The following TSPAN15 variants were observed in gnomAD, a reference collection of about 807,000 sequenced individuals.
The protein encoded by TSPAN15 is tetraspanin-15.
TSPAN15 carries 20 observed loss-of-function variants against 34.5 expected under a neutral mutation model. The observed-to-expected ratio is 0.58, with a 90% CI of 0.41 to 0.84. TSPAN15 has a LOEUF of 0.84. Among genes scored for constraint, TSPAN15 ranks in the 40% least tolerant of loss-of-function variants. TSPAN15 has a pLI of 0.00. For synonymous variants in TSPAN15, 155 were observed against 153.9 expected, an observed-to-expected ratio of 1.01 and a Z score of -0.05; for missense variants, 313 against 386.1, an observed-to-expected ratio of 0.81 and a Z score of 1.59.
At position 69,483,719 on chromosome 10, in the gene TSPAN15, G is replaced by T. The variant is rs1265422856; in HGVS notation, c.125G>T (p.Gly42Val). The change falls in exon 2 of 8, where the codon GGC becomes GTC. Residue 42 changes from glycine (G) to valine (V), a missense_variant. Coordinates refer to ENST00000373290, the MANE Select transcript of TSPAN15 (RefSeq NM_012339.5). ...ATTGGGGCCCTGGTCCTGTCTGTGGGCATCTATGCAGAGGTTGAGCGGCAG... is the reference window on the plus strand; with the variant it reads ...ATTGGGGCCCTGGTCCTGTCTGTGGTCATCTATGCAGAGGTTGAGCGGCAG... ...WLIGALVLSV[G>V]IYAEVERQKY... is the part of the protein sequence containing the mutation. 1 of 1,614,110 alleles carries T rather than the reference G, an allele frequency of 6.2e-7. No homozygotes were observed. Among genetic ancestry groups the T allele is most frequent in the Admixed American group, 1.7e-5 (1 of 60,020 alleles).
intron 1 of TSPAN15, among the ~76,000 whole-genome samples, chr10:69,470,632 G>A (rs1841484834): frequency 6.6e-6 from 1 of 152,118 alleles, no homozygotes; most frequent in Admixed American, 6.5e-5. Context: ...AGGCATGGTG[G>A]CAAGTGCTAC....
At chr10:69,543,773 G>A in the TSPAN15 span, among the ~76,000 whole-genome samples, 1 of 151,606 alleles carries the variant, frequency 6.6e-6, no homozygotes, top group East Asian at 1.9e-4. Context: ...TCACAAAGAG[G>A]CTCCTGAAGG....
At chr10:69,523,981 G>T in the TSPAN15 span, among the ~76,000 whole-genome samples, 2 of 147,908 alleles carry the variant, frequency 1.4e-5, no homozygotes, top group South Asian at 4.2e-4. Context: ...AAAATTTAAA[G>T]AAGGAAATCT....
In TSPAN15 at chr10:69,498,406, G is replaced by A. The variant is rs370256798; in HGVS notation, c.570+10G>A. ...CTGCATCAGGAACACGGTAGACACT[G>A]CTCCTGTGGGGACTGGGGGGCTGTC... On this transcript the variant is annotated intron_variant, in intron 5 of 7. Coordinates refer to ENST00000373290, the MANE Select transcript of TSPAN15 (RefSeq NM_012339.5). 13 of 1,609,406 alleles carry A rather than the reference G, an allele frequency of 8.1e-6. No homozygotes were observed. The African/African-American group carries it at 1.7e-4, about 21-fold the overall frequency.
chr10:69,451,523 C>G lies in TSPAN15; in HGVS notation c.-72C>G, dbSNP rs1840965431. On this transcript the variant is annotated 5_prime_UTR_variant, in exon 1 of 8. Transcript: ENST00000373290. ...GGTAGCCCGGCAGCCGCAGGTGGGG[C>G]CACGAGCGCTGGCTGAGGGACCGAG... The G allele has an allele frequency of 1.5e-6, 2 of 1,291,508 alleles. No individual in the cohort carries two copies. Among genetic ancestry groups the G allele is most frequent in the Non-Finnish European group, 2.0e-6 (2 of 1,017,654 alleles). The allele number at this position is 1,291,508 out of a possible 1,614,324, so 80.0% of individuals were successfully genotyped here. A position where few individuals can be genotyped will look rare whatever the true frequency, so the allele number is the denominator to read the frequency against.
chr10:69,462,871 A>T lies in TSPAN15; in HGVS notation c.96+11181A>T, dbSNP rs772754034. On this transcript the variant is annotated intron_variant, in intron 1 of 7. Transcript: ENST00000373290. ...ACAGTTGGGAGAGGCCCAGAAAGAA[A>T]GAGAACACTCTAGCCAGGGGTTTGG... is the stretch of plus-strand genomic sequence containing the variant. Among the ~76,000 whole-genome samples the T allele has an allele frequency of 2.0e-5, 3 of 152,226 alleles. No individual in the cohort carries two copies. In the East Asian group the frequency reaches 5.8e-4, roughly 29 times the overall value.
chr10:69,508,156 G>C (rs1400431646), downstream of TSPAN15, among the ~76,000 whole-genome samples: 1 of 152,098 alleles, frequency 6.6e-6, no homozygotes, highest in Non-Finnish European at 1.5e-5. Context: ...AAATAAAGTA[G>C]CAAGAGGCCG....
At chr10:69,496,557 C>A (rs1190213885) in intron 4 of TSPAN15, among the ~76,000 whole-genome samples, 5 of 152,046 alleles carry the variant, frequency 3.3e-5, no homozygotes, top group African/African-American at 1.2e-4. Context: ...AGGGTGAGAC[C>A]ACAGTGCCAG....
intron 1 of TSPAN15, among the ~76,000 whole-genome samples, chr10:69,474,129 C>T (rs73275732): frequency 0.061 from 9,303 of 151,952 alleles, 996 homozygotes; most frequent in African/African-American, 0.21. Flanking sequence ...GCTCCTGCTG[C>T]TGGAGTTCCC....
the TSPAN15 span, among the ~76,000 whole-genome samples, chr10:69,533,148 C>T: frequency 6.6e-6 from 1 of 152,124 alleles, no homozygotes; most frequent in Non-Finnish European, 1.5e-5. Flanking sequence ...AGTAGCACTA[C>T]CATTTGATCC....
At chr10:69,453,145 T>TG (rs34165524) in intron 1 of TSPAN15, among the ~76,000 whole-genome samples, 17,703 of 152,060 alleles carry the variant, frequency 0.12, 1,129 homozygotes, top group Non-Finnish European at 0.13. Context: ...ACAGTATGTT[T>TG]GGGGGGCGGA....
At position 69,482,655 on chromosome 10, in the gene TSPAN15, C is replaced by T. The variant is rs542616034; in HGVS notation, c.97-1036C>T. ...CGCGAAAGCCGTGGTGTGAGCAGTG[C>T]AGAAATGAATGTCTTCAAGTCTGTC... is the stretch of plus-strand genomic sequence containing the variant. On this transcript the variant is annotated intron_variant, in intron 1 of 7. Transcript: ENST00000373290. Among the ~76,000 whole-genome samples, 7 of 152,182 alleles carry T rather than the reference C, an allele frequency of 4.6e-5. No individual in the cohort carries two copies. The South Asian group carries it at 6.2e-4, about 14-fold the overall frequency.
chr10:69,498,396 G>A lies in TSPAN15; in HGVS notation c.570G>A (p.Thr190=), dbSNP rs1842133769. 11 of 1,612,120 alleles carry A rather than the reference G, an allele frequency of 6.8e-6. No individual in the cohort carries two copies. Among genetic ancestry groups the A allele is most frequent in the Non-Finnish European group, 9.3e-6 (11 of 1,178,366 alleles). ...CCTACACCTGCTGCATCAGGAACACGGTAGACACTGCTCCTGTGGGGACTG... is the reference window on the plus strand; with the variant it reads ...CCTACACCTGCTGCATCAGGAACACAGTAGACACTGCTCCTGTGGGGACTG... ...GVPYTCCIRN[T]TEVVNTMCGY... The change falls in exon 5 of 8, where the codon ACG becomes ACA. Residue 190 remains threonine, a splice_region_variant and synonymous_variant. Coordinates refer to ENST00000373290, the MANE Select transcript of TSPAN15 (RefSeq NM_012339.5).
intron 1 of TSPAN15, among the ~76,000 whole-genome samples, chr10:69,471,107 A>G (rs1045430981): frequency 1.3e-5 from 2 of 152,074 alleles, no homozygotes; most frequent in African/African-American, 2.4e-5. Context: ...ATAGCACAGT[A>G]TATGTTTTTC....
rs1841376362 is a variant in TSPAN15, at chr10:69,465,977, C to T, written c.96+14287C>T. Among the ~76,000 whole-genome samples the T allele has an allele frequency of 3.3e-5, 5 of 152,288 alleles. No individual in the cohort carries two copies. In the South Asian group the frequency reaches 1.0e-3, roughly 32 times the overall value. ...CTCTGCTGGAGTAGCACCAGCTTCC[C>T]AGGGCAGGGGCCACAGGCTCCCCTA... On this transcript the variant is annotated intron_variant, in intron 1 of 7. Coordinates refer to ENST00000373290, the MANE Select transcript of TSPAN15 (RefSeq NM_012339.5).
chr10:69,519,049 A>G, the TSPAN15 span, among the ~76,000 whole-genome samples: 1 of 151,588 alleles, frequency 6.6e-6, no homozygotes, highest in East Asian at 1.9e-4. Context: ...GTATACAGCT[A>G]TTTAAATGAA....
Position 69,506,307 on chromosome 10 carries a change from G to A in TSPAN15, c.735+67G>A. The A allele has an allele frequency of 1.3e-6, 2 of 1,486,492 alleles. No homozygotes were observed. Among genetic ancestry groups the A allele is most frequent in the South Asian group, 1.1e-5 (1 of 87,278 alleles). 92.1% of individuals were successfully genotyped at this position (1,486,492 alleles called of 1,614,324 possible). ...TGCAGAAGGGCAGAGAAGGTGCAGA[G>A]GGGAAGAGCGAAGAGGCTTTTTTCA... On this transcript the variant is annotated intron_variant, in intron 7 of 7. Coordinates refer to ENST00000373290, the MANE Select transcript of TSPAN15 (RefSeq NM_012339.5). This position sits in a 1 kb window ranked among gnomAD's most constrained non-coding sequence, Gnocchi z 4.7.
intron 3 of TSPAN15, 108 bp downstream of exon 3, chr10:69,485,323 A>C: frequency 1.1e-6 from 1 of 917,656 alleles, no homozygotes; most frequent in South Asian, 1.3e-5. Context: ...ACCCCCATGG[A>C]GCTTTCATTC....
At chr10:69,457,852 C>T (rs192119303) in intron 1 of TSPAN15, among the ~76,000 whole-genome samples, 1 of 152,324 alleles carries the variant, frequency 6.6e-6, no homozygotes, top group African/African-American at 2.4e-5. Flanking sequence ...GTGCCTGGCA[C>T]ATGATGAACA....
Sources: gnomAD v4.1 joint callset for allele counts (sites outside exome capture counted in the v4.1 genomes callset) on GRCh38, gnomAD v4.1.1 for gene constraint, Gnocchi (gnomAD v3.1) non-coding constraint, MANE v1.5 for transcripts, NCBI Gene and HGNC (gene_info 2026-07-23, HGNC 2026-07-21) for gene names.